ZC3HAV1L: variants seen among roughly 807,000 people sequenced by gnomAD.
The protein encoded by ZC3HAV1L is zinc finger CCCH-type antiviral protein 1-like.
In ZC3HAV1L, 23 loss-of-function variants were observed where a neutral mutation model predicts 28.2. The ratio of observed to expected loss-of-function variants is 0.82; its 90% CI spans 0.59 to 1.16. The LOEUF (loss-of-function observed/expected upper bound fraction) is 1.16, where lower values mean the gene tolerates loss of function less well. Ranked by LOEUF, ZC3HAV1L falls within the 50% of genes most tolerant of loss-of-function variation. ZC3HAV1L has a pLI of 0.00. For missense variants in ZC3HAV1L, 376 were observed against 387.7 expected (o/e 0.97, Z 0.25); for synonymous variants, 180 against 163.4 (o/e 1.10, Z -0.78).
intron 1 of ZC3HAV1L, 130 bp downstream of exon 1, chr7:139,035,523 G>A: frequency 1.5e-6 from 2 of 1,313,552 alleles, no homozygotes; most frequent in Non-Finnish European, 1.9e-6. Context: ...GCCTGCGGGA[G>A]GGGGTCGTCC....
At chr7:139,035,093 G>A (rs1815661036) in intron 1 of ZC3HAV1L, 2 of 985,446 alleles carry the variant, frequency 2.0e-6, no homozygotes, top group Non-Finnish European at 2.4e-6. Flanking sequence ...AGCACAGCCT[G>A]GGGTCAGGAG....
chr7:139,035,979 C>T lies in ZC3HAV1L; in HGVS notation c.39G>A (p.Val13=). The change falls in exon 1 of 5, where the codon GTG becomes GTA. Residue 13 remains valine (V), a synonymous_variant. Transcript: ENST00000275766. ...ACATGCGGCCGCCGTGGGCGCACAG[C>T]ACCTTGGTGAGGAAGGAGCACACTG... ...EPTVCSFLTK[V]LCAHGGRMFL... The T allele has an allele frequency of 2.6e-6, 4 of 1,525,688 alleles. No individual in the cohort carries two copies. In the South Asian group the frequency reaches 3.6e-5, roughly 14 times the overall value. The allele number at this position is 1,525,688 out of a possible 1,614,324, so 94.5% of individuals were successfully genotyped here.
chr7:139,026,645 G>A, intron 4 of ZC3HAV1L, 63 bp downstream of exon 4: 1 of 1,612,540 alleles, frequency 6.2e-7, no homozygotes, highest in Non-Finnish European at 8.5e-7. Context: ...CAGAAGGCTT[G>A]TTTTCAGATC....
chr7:139,030,583 C>G (rs923608474), intron 2 of ZC3HAV1L, among the ~76,000 whole-genome samples: 2 of 151,152 alleles, frequency 1.3e-5, no homozygotes, highest in African/African-American at 4.9e-5. Context: ...AATCCTAGCA[C>G]TTTGGGAGGC....
In ZC3HAV1L at chr7:139,028,866, T is replaced by C. The variant is rs1185574953; in HGVS notation, c.596A>G (p.Lys199Arg). Residue 199 changes from lysine (K) to arginine (R), a missense_variant, in exon 3 of 5, where the codon AAA becomes AGA. By Grantham distance (26) the Lys-to-Arg change is conservative. Transcript: ENST00000275766. Reference protein sequence around the residue: ...NKFHVCKSFVKGECKLQTCKR... With the variant: ...NKFHVCKSFVRGECKLQTCKR... ...GCAGGTCTGAAGTTTGCATTCTCCT[T>C]TCACAAAGGATTTGCACACATGAAA... The C allele has an allele frequency of 6.2e-7, 1 of 1,614,208 alleles. No homozygotes were observed. Among genetic ancestry groups the C allele is most frequent in the South Asian group, 1.1e-5 (1 of 91,082 alleles).
Position 139,035,670 on chromosome 7 carries a change from G to T in ZC3HAV1L, c.348C>A (p.Cys116Ter), listed in dbSNP as rs1248169204. Residue 116 changes from cysteine to a stop codon, truncating the protein, a stop_gained, in exon 1 of 5, where the codon TGC becomes TGA. Transcript: ENST00000275766. LOFTEE classifies it high-confidence loss of function. Reference sequence around the variant, plus strand: ...CTTCTCACCAGCAGTCCCGGTTGGGGCACTTGCCCAGCATGTGCCGGCGGC... The same window carrying T: ...CTTCTCACCAGCAGTCCCGGTTGGGTCACTTGCCCAGCATGTGCCGGCGGC... ...HFCRRHMLGK[C>*]PNRDCWSTCT... The T allele has an allele frequency of 6.8e-7, 1 of 1,463,926 alleles. No individual in the cohort carries two copies. 90.7% of individuals were successfully genotyped at this position (1,463,926 alleles called of 1,614,324 possible).
At chr7:139,033,937 G>A (rs953397177) in intron 2 of ZC3HAV1L, 1 of 985,344 alleles carries the variant, frequency 1.0e-6, no homozygotes, top group Non-Finnish European at 1.2e-6. Context: ...GCTCACAACC[G>A]TGACATACCA....
At chr7:139,029,789 T>C (rs769051330) in intron 2 of ZC3HAV1L, among the ~76,000 whole-genome samples, 6 of 152,180 alleles carry the variant, frequency 3.9e-5, no homozygotes, top group Non-Finnish European at 8.8e-5. Flanking sequence ...GAAACCAGTT[T>C]CAACGGGTGG....
At chr7:139,030,792 C>T (rs995218977) in intron 2 of ZC3HAV1L, among the ~76,000 whole-genome samples, 8 of 151,928 alleles carry the variant, frequency 5.3e-5, no homozygotes, top group Non-Finnish European at 8.8e-5. Context: ...GCACTCCAGG[C>T]TGGACGACAG....
intron 2 of ZC3HAV1L, among the ~76,000 whole-genome samples, chr7:139,030,561 GCTCACA>G (rs1263176528): frequency 6.7e-6 from 1 of 149,726 alleles, no homozygotes; most frequent in African/African-American, 2.5e-5. Flanking sequence ...CGGTGTGGTG[GCTCACA>G]CCTGTAATCC....
chr7:139,026,875 G>A, intron 3 of ZC3HAV1L, 42 bp from the exon 4 acceptor site: 1 of 1,581,574 alleles, frequency 6.3e-7, no homozygotes, highest in South Asian at 1.1e-5. Context: ...GATACCCCAA[G>A]TTTCATTTTA....
At chr7:139,032,405 T>C (rs11760774) in intron 2 of ZC3HAV1L, among the ~76,000 whole-genome samples, 73,457 of 151,532 alleles carry the variant, frequency 0.48, 18,284 homozygotes, top group Non-Finnish European at 0.52. Flanking sequence ...GAGGCTGAGG[T>C]GGGCGGATCA....
At position 139,026,488 on chromosome 7, in the gene ZC3HAV1L, C is replaced by T. The variant is rs532924358; in HGVS notation, c.*56G>A. ...GTTCAATGTCCCACCCCATCCCCAA[C>T]CACCCATGCCCAAATGTATTCTTCC... On this transcript the variant is annotated 3_prime_UTR_variant, in exon 5 of 5. Transcript: ENST00000275766. 9.3e-6 allele frequency: 15 copies of T among 1,608,306 alleles called. No individual in the cohort carries two copies. The highest frequency in any genetic ancestry group is 3.3e-4 in the Middle Eastern group (2 of 6,058).
chr7:139,035,793 G>T lies in ZC3HAV1L; in HGVS notation c.225C>A (p.Gly75=). The T allele has an allele frequency of 6.7e-7, 1 of 1,490,272 alleles. No individual in the cohort carries two copies. The highest frequency in any genetic ancestry group is 1.3e-5 in the South Asian group (1 of 78,778). The allele number at this position is 1,490,272 out of a possible 1,614,324, so 92.3% of individuals were successfully genotyped here. Residue 75 remains glycine, a synonymous_variant, in exon 1 of 5, where the codon GGC becomes GGA. Transcript: ENST00000275766. ...AEAAAGAVGG[G]GTSAWRVVAV... ...CCACCACCCTCCAGGCGGAGGTGCCGCCACCGCCCACCGCGCCGGCCGCCG... is the reference window on the plus strand; with the variant it reads ...CCACCACCCTCCAGGCGGAGGTGCCTCCACCGCCCACCGCGCCGGCCGCCG...
chr7:139,033,913 T>G, intron 2 of ZC3HAV1L: 1 of 985,394 alleles, frequency 1.0e-6, no homozygotes, highest in South Asian at 4.7e-5. Flanking sequence ...ACATGGTTGG[T>G]TGGAATGCCT....
chr7:139,023,990 CTA>C (rs1479285589), downstream of ZC3HAV1L, among the ~76,000 whole-genome samples: 1 of 152,028 alleles, frequency 6.6e-6, no homozygotes, highest in Non-Finnish European at 1.5e-5. Flanking sequence ...AGCTTTTTGT[CTA>C]TGTCATTAGG....
downstream of ZC3HAV1L, among the ~76,000 whole-genome samples, chr7:139,025,305 G>A (rs1279257472): frequency 2.0e-5 from 3 of 152,082 alleles, no homozygotes; most frequent in East Asian, 5.8e-4. Flanking sequence ...ATAATTAACT[G>A]GGCGTGGTGG....
At chr7:139,030,244 A>C (rs906859074) in intron 2 of ZC3HAV1L, among the ~76,000 whole-genome samples, 1 of 152,004 alleles carries the variant, frequency 6.6e-6, no homozygotes, top group Non-Finnish European at 1.5e-5. Flanking sequence ...TCAGGAGTTC[A>C]TAACAGCCTG....
intron 1 of ZC3HAV1L, chr7:139,035,182 G>A: frequency 1.0e-6 from 1 of 985,412 alleles, no homozygotes; most frequent in Non-Finnish European, 1.2e-6. Context: ...CCTGGGGTGA[G>A]ACTGGCTCAG....
Sources: gnomAD v4.1 joint callset for allele counts (sites outside exome capture counted in the v4.1 genomes callset) on GRCh38, gnomAD v4.1.1 for gene constraint, MANE v1.5 for transcripts, NCBI Gene and HGNC (gene_info 2026-07-23, HGNC 2026-07-21) for gene names.